The following KDM5A variants were observed in gnomAD, a reference collection of about 807,000 sequenced individuals.
The protein encoded by KDM5A is lysine-specific demethylase 5A.
Under a neutral mutation model 193.5 loss-of-function variants are expected in KDM5A, and 42 were observed. The observed-to-expected ratio is 0.22, with a 90% CI of 0.17 to 0.28. The LOEUF (loss-of-function observed/expected upper bound fraction) is 0.28. KDM5A is among the 10% of genes least tolerant of loss of function. The pLI is 1.00. For missense variants in KDM5A, 1,692 were observed against 2,055.1 expected, an observed-to-expected ratio of 0.82 and a Z score of 3.42; for synonymous variants, 796 against 718.1, an observed-to-expected ratio of 1.11 and a Z score of -1.73.
In KDM5A at chr12:323,210, C is replaced by CAAAAAAAAAAGAAAAAAAAA; in HGVS notation, c.2151-5_2151-4insTTTTTTTTTCTTTTTTTTTT. 1 of 294,574 alleles carries CAAAAAAAAAAGAAAAAAAAA rather than the reference C, an allele frequency of 3.4e-6. No homozygotes were observed. 18.2% of individuals were successfully genotyped at this position (294,574 alleles called of 1,614,324 possible). A position where few individuals can be genotyped will look rare whatever the true frequency, so the allele number is the denominator to read the frequency against. On this transcript the variant is annotated splice_polypyrimidine_tract_variant and splice_region_variant and intron_variant, in intron 15 of 27. Transcript: ENST00000399788. Reference sequence around the variant, plus strand: ...GTCTTCTAATGGGTAGCGATATCTACAAAAAAAAAAAAAAAAAAAAAAAAA... The same window carrying CAAAAAAAAAAGAAAAAAAAA: ...GTCTTCTAATGGGTAGCGATATCTACAAAAAAAAAAGAAAAAAAAAAAAAAAAAAAAAAAAAAAAAAAAAA...
chr12:337,904 A>C (rs1028157149), intron 10 of KDM5A, among the ~76,000 whole-genome samples: 1 of 152,090 alleles, frequency 6.6e-6, no homozygotes, highest in Admixed American at 6.6e-5. Context: ...TGACCTCCCA[A>C]AGTGCTGAGA....
chr12:375,109 T>C (rs1204721615), intron 3 of KDM5A, among the ~76,000 whole-genome samples: 1 of 152,210 alleles, frequency 6.6e-6, no homozygotes, highest in Admixed American at 6.5e-5. Flanking sequence ...TTTCCTGAAT[T>C]TGAATGTCGG....
intron 3 of KDM5A, among the ~76,000 whole-genome samples, chr12:369,110 T>C (rs1350349348): frequency 6.6e-6 from 1 of 152,238 alleles, no homozygotes; most frequent in African/African-American, 2.4e-5. Flanking sequence ...GCACAAGAGT[T>C]GAACACATCT....
rs1943748354 is a variant in KDM5A at position 323,585 on chromosome 12, A to T, written c.2150+15T>A. The T allele has an allele frequency of 4.3e-6, 7 of 1,612,258 alleles. No homozygotes were observed. The highest frequency in any genetic ancestry group is 5.1e-6 in the Non-Finnish European group (6 of 1,178,328). On this transcript the variant is annotated intron_variant, in intron 15 of 27. Transcript: ENST00000399788. ...AAAAAAGGTAATGGAAGTTTTACAA[A>T]ATACTTTTGGATACCTAAGACATTT...
intron 24 of KDM5A, among the ~76,000 whole-genome samples, chr12:300,841 AG>A (rs1447077678): frequency 6.6e-6 from 1 of 152,214 alleles, no homozygotes; most frequent in African/African-American, 2.4e-5. Flanking sequence ...AAAATGATAA[AG>A]GGGGTATCAC....
chr12:330,077 G>T (rs985035813), intron 13 of KDM5A, among the ~76,000 whole-genome samples: 1 of 128,466 alleles, frequency 7.8e-6, no homozygotes, highest in African/African-American at 3.5e-5. Flanking sequence ...GTGTGTGTGT[G>T]TGTGTGTGTA....
At chr12:304,799 A>T (rs1943485345) in intron 24 of KDM5A, among the ~76,000 whole-genome samples, 1 of 152,188 alleles carries the variant, frequency 6.6e-6, no homozygotes. Context: ...GTCTGCTTTC[A>T]AGCAAAGCCC....
chr12:369,089 C>A (rs541901689), intron 3 of KDM5A, among the ~76,000 whole-genome samples: 1 of 152,306 alleles, frequency 6.6e-6, no homozygotes, highest in African/African-American at 2.4e-5. Flanking sequence ...GGTAGAAACA[C>A]AAATTCATAT....
intron 3 of KDM5A, among the ~76,000 whole-genome samples, chr12:373,527 C>A (rs867103896): frequency 6.6e-6 from 1 of 152,260 alleles, no homozygotes; most frequent in East Asian, 1.9e-4. Context: ...TTTCAAAAAA[C>A]CAGCTCCTGG....
chr12:289,714 C>CAAAAA (rs774919490), intron 27 of KDM5A, among the ~76,000 whole-genome samples: 38 of 79,032 alleles, frequency 4.8e-4, no homozygotes, highest in Middle Eastern at 7.0e-3. Flanking sequence ...GACCCTGTCT[C>CAAAAA]AAAAAAAAAA....
At chr12:323,229 A>AAAAAAAAAAAAAAAAAAG in intron 15 of KDM5A, 23 bp from the exon 16 acceptor site, 4 of 1,495,420 alleles carry the variant, frequency 2.7e-6, no homozygotes, top group East Asian at 5.0e-5. Context: ...AAAAAAAAAA[A>AAAAAAAAAAAAAAAAAAG]AAAAAAAAAA....
chr12:365,995 T>G lies in KDM5A; in HGVS notation c.476A>C (p.Lys159Thr). 1 of 1,614,020 alleles carries G rather than the reference T, an allele frequency of 6.2e-7. No homozygotes were observed. The highest frequency in any genetic ancestry group is 8.5e-7 in the Non-Finnish European group (1 of 1,179,866). ...GTAGAGAATTCTTTCATAATGTGAC[T>G]TCAAAAGAGACCCAGTTCCTTTTCC... ...LPGKGTGSLLKSHYERILYPY... is the reference protein window; with the variant it reads ...LPGKGTGSLLTSHYERILYPY... Residue 159 changes from lysine (K) to threonine (T), a missense_variant, in exon 4 of 28, where the codon AAG becomes ACG. By Grantham distance (78) the Lys-to-Thr change is moderately conservative (BLOSUM62 -1). Around this residue, in one of 11 missense-constraint regions of KDM5A, gnomAD observed 120 missense variants for 172.0 expected, o/e 0.70. Transcript: ENST00000399788.
intron 12 of KDM5A, among the ~76,000 whole-genome samples, 168 bp from the exon 13 acceptor site, chr12:332,106 T>C (rs539309517): frequency 3.3e-5 from 5 of 152,312 alleles, no homozygotes; most frequent in Non-Finnish European, 7.3e-5. Context: ...GAATTCTACC[T>C]TCTTAAAATA....
Position 302,901 on chromosome 12 carries a change from C to G in KDM5A, c.4074+4045G>C, listed in dbSNP as rs143218946. On this transcript the variant is annotated intron_variant, in intron 24 of 27. Transcript: ENST00000399788. ...CAAAAGAAGACATTTATGCAGCCAA[C>G]AAACATATGAAAAAATGCTCATCAT... Among the ~76,000 whole-genome samples, 16 of 152,284 alleles carry G rather than the reference C, an allele frequency of 1.1e-4. No homozygotes were observed. In the East Asian group the frequency reaches 3.1e-3, roughly 29 times the overall value.
In KDM5A at chr12:318,724, G is replaced by A. The variant is rs117513216; in HGVS notation, c.2542-263C>T. On this transcript the variant is annotated intron_variant, in intron 18 of 27. Transcript: ENST00000399788. Reference sequence around the variant, plus strand: ...TGACTTAGATGCAGGCACTTTTCTAGGCACACAGTATTAAAGAAGACATAA... The same window carrying A: ...TGACTTAGATGCAGGCACTTTTCTAAGCACACAGTATTAAAGAAGACATAA... Among the ~76,000 whole-genome samples, 72 of 152,192 alleles carry A rather than the reference G, an allele frequency of 4.7e-4. 3 individuals are homozygous for A. The East Asian group carries it at 0.011, about 22-fold the overall frequency.
At chr12:386,670 G>GA (rs1944640837) in intron 1 of KDM5A, among the ~76,000 whole-genome samples, 2 of 152,148 alleles carry the variant, frequency 1.3e-5, no homozygotes, top group Non-Finnish European at 2.9e-5. Flanking sequence ...AACAGAGCGA[G>GA]ACCCTATCTC....
chr12:343,228 G>A (rs1298797260), intron 10 of KDM5A, among the ~76,000 whole-genome samples: 1 of 152,184 alleles, frequency 6.6e-6, no homozygotes, highest in African/African-American at 2.4e-5. Flanking sequence ...GGGGAGGGGC[G>A]TCCACCATTG....
At chr12:374,880 T>C (rs1048976885) in intron 3 of KDM5A, among the ~76,000 whole-genome samples, 142 of 152,266 alleles carry the variant, frequency 9.3e-4, no homozygotes, top group African/African-American at 3.3e-3. Context: ...ATTCTTTTTT[T>C]TTTAAGAATG....
At chr12:357,718 C>T (rs561738978) in intron 5 of KDM5A, among the ~76,000 whole-genome samples, 93 of 146,508 alleles carry the variant, frequency 6.3e-4, no homozygotes, top group African/African-American at 2.1e-3. Flanking sequence ...GTCCCAGCTA[C>T]TTGGGAGGCT....
Sources: allele counts gnomAD v4.1 joint callset (sites outside exome capture counted in the v4.1 genomes callset), GRCh38; gene constraint gnomAD v4.1.1; regional missense constraint gnomAD v4.1.1; transcripts MANE v1.5; gene names NCBI Gene and HGNC (gene_info 2026-07-23, HGNC 2026-07-21).